The following CHD1L variants were observed in gnomAD, a reference collection of about 807,000 sequenced individuals.
CHD1L encodes chromodomain helicase DNA binding protein 1 like.
A neutral mutation model predicts 115.9 loss-of-function variants in CHD1L; 118 were observed. That is an observed-to-expected ratio of 1.02 (90% CI 0.88 to 1.19). The LOEUF (loss-of-function observed/expected upper bound fraction) is 1.19. Ranked by LOEUF, CHD1L falls within the 50% of genes most tolerant of loss-of-function variation. The probability of loss-of-function intolerance (pLI) is 0.00; values close to 1 mark genes in which losing one functional copy is unlikely to be tolerated. For missense variants in CHD1L, 1,179 were observed against 1,065.3 expected (o/e 1.11, Z -1.49); for synonymous variants, 411 against 387.1 (o/e 1.06, Z -0.72).
chr1:147,190,975 T>C, the CHD1L span, among the ~76,000 whole-genome samples: 1 of 152,052 alleles, frequency 6.6e-6, no homozygotes, highest in African/African-American at 2.4e-5. Flanking sequence ...AGAATGATGG[T>C]TTCCAGTTTA....
chr1:147,271,970 A>C (rs1291061984), intron 11 of CHD1L, among the ~76,000 whole-genome samples: 1 of 152,198 alleles, frequency 6.6e-6, no homozygotes, highest in Non-Finnish European at 1.5e-5. Context: ...AATCCAGAGG[A>C]GTATGTTATG....
At chr1:147,214,185 C>G in the CHD1L span, among the ~76,000 whole-genome samples, 2 of 152,172 alleles carry the variant, frequency 1.3e-5, no homozygotes, top group Non-Finnish European at 2.9e-5. Flanking sequence ...GGTGCGGTGG[C>G]TCACGCATGT....
intron 16 of CHD1L, 84 bp from the exon 17 acceptor site, chr1:147,285,240 G>T: frequency 4.9e-6 from 7 of 1,427,542 alleles, no homozygotes; most frequent in Non-Finnish European, 6.7e-6. Context: ...TAAGCATGTT[G>T]CTTCCGTACA....
the CHD1L span, among the ~76,000 whole-genome samples, chr1:147,185,594 T>G: frequency 7.2e-5 from 11 of 152,210 alleles, no homozygotes; most frequent in East Asian, 1.9e-4. Flanking sequence ...AGTTCTCACA[T>G]TTCCAGTTCT....
the CHD1L span, chr1:147,186,652 A>G: frequency 8.0e-7 from 1 of 1,248,642 alleles, no homozygotes; most frequent in Non-Finnish European, 1.0e-6. Flanking sequence ...TGACTAAAAG[A>G]GTACCTGAGC....
intron 14 of CHD1L, among the ~76,000 whole-genome samples, chr1:147,279,650 A>G (rs1680025428): frequency 6.6e-6 from 1 of 152,218 alleles, no homozygotes; most frequent in Admixed American, 6.5e-5. Context: ...GTTGGAAAGT[A>G]GCTAACAGGG....
At chr1:147,291,707 A>G (rs782068602) in intron 20 of CHD1L, among the ~76,000 whole-genome samples, 155 bp downstream of exon 20, 8 of 152,134 alleles carry the variant, frequency 5.3e-5, no homozygotes, top group African/African-American at 9.7e-5. Context: ...AACAACAGAA[A>G]TGTATTTCCT....
chr1:147,267,669 T>C (rs1330149310), intron 9 of CHD1L, 151 bp downstream of exon 9: 6 of 609,664 alleles, frequency 9.8e-6, no homozygotes, highest in Non-Finnish European at 1.7e-5. Context: ...CATATATTCA[T>C]GTTCAGATAT....
At position 147,294,516 on chromosome 1, in the gene CHD1L, A is replaced by G. The variant is rs781901195; in HGVS notation, c.2614A>G (p.Ile872Val). 1 of 1,608,922 alleles carries G rather than the reference A, an allele frequency of 6.2e-7. No homozygotes were observed. Among genetic ancestry groups the G allele is most frequent in the African/African-American group, 1.3e-5 (1 of 74,766 alleles). The change falls in exon 22 of 23, where the codon ATA becomes GTA. Residue 872 changes from isoleucine to valine, a missense_variant and splice_region_variant. By Grantham distance (29) the Ile-to-Val change is conservative. Transcript: ENST00000369258. ...HLAARGIPTY[I>V]YYFPRSKSAV... Reference sequence around the variant, plus strand: ...GGCTGCAAGAGGCATCCCAACTTACATGTATCCTTTTGTGATCTTCATTGT... The same window carrying G: ...GGCTGCAAGAGGCATCCCAACTTACGTGTATCCTTTTGTGATCTTCATTGT...
chr1:147,178,391 A>G, the CHD1L span: 3 of 1,611,128 alleles, frequency 1.9e-6, no homozygotes, highest in South Asian at 1.1e-5. Context: ...AACACCTGTA[A>G]TAAATATGGA....
chr1:147,235,673 T>G, the CHD1L span, among the ~76,000 whole-genome samples: 1 of 152,094 alleles, frequency 6.6e-6, no homozygotes, highest in African/African-American at 2.4e-5. Flanking sequence ...GTAAAAAAAA[T>G]GGCTTTGGAT....
intron 15 of CHD1L, among the ~76,000 whole-genome samples, chr1:147,281,464 G>A (rs587773492): frequency 6.6e-6 from 1 of 152,216 alleles, no homozygotes; most frequent in Admixed American, 6.5e-5. Context: ...GGGTGGTTTT[G>A]TTGTCCTTGT....
At chr1:147,208,536 C>T in the CHD1L span, 4 of 216,076 alleles carry the variant, frequency 1.9e-5, no homozygotes, top group Admixed American at 5.4e-5. Context: ...GCCTCCAGGG[C>T]TCAGGTGATT....
chr1:147,275,879 A>C (rs1220799913), intron 13 of CHD1L, among the ~76,000 whole-genome samples: 1 of 151,936 alleles, frequency 6.6e-6, no homozygotes, highest in Non-Finnish European at 1.5e-5. Flanking sequence ...AATCCCAGTC[A>C]TGGTTACCCC....
At chr1:147,214,458 A>AC in the CHD1L span, among the ~76,000 whole-genome samples, 35 of 1,920 alleles carry the variant, frequency 0.018, no homozygotes, top group East Asian at 0.45. Flanking sequence ...CTGAAAAAAA[A>AC]CAAAAAACAA....
chr1:147,241,703 C>A (rs907581899), upstream of CHD1L, among the ~76,000 whole-genome samples: 7 of 152,142 alleles, frequency 4.6e-5, no homozygotes, highest in Non-Finnish European at 1.0e-4. Context: ...TTTTCTAGCT[C>A]AGAACAAATT....
At chr1:147,276,845 A>G (rs924353271) in intron 14 of CHD1L, among the ~76,000 whole-genome samples, 2 of 152,176 alleles carry the variant, frequency 1.3e-5, no homozygotes, top group East Asian at 3.9e-4. Flanking sequence ...AAAACTCATA[A>G]TATTTCCTGG....
Position 147,268,880 on chromosome 1 carries a change from T to C in CHD1L, c.1085+2T>C, listed in dbSNP as rs782267265. 1 of 1,608,626 alleles carries C rather than the reference T, an allele frequency of 6.2e-7. No homozygotes were observed. Among genetic ancestry groups the C allele is most frequent in the Non-Finnish European group, 8.5e-7 (1 of 1,175,614 alleles). On this transcript the variant is annotated splice_donor_variant, in intron 10 of 22. Coordinates refer to ENST00000369258, the MANE Select transcript of CHD1L (RefSeq NM_004284.6). LOFTEE classifies it high-confidence loss of function. Reference sequence around the variant, plus strand: ...GCTACTAGCATTCCTGTATTCTGGGTAGGTGGTAGGTTCACATTTGCTGCT... The same window carrying C: ...GCTACTAGCATTCCTGTATTCTGGGCAGGTGGTAGGTTCACATTTGCTGCT...
At chr1:147,224,915 C>T in the CHD1L span, 1 of 1,613,920 alleles carries the variant, frequency 6.2e-7, no homozygotes, top group Admixed American at 1.7e-5. Context: ...CAGAGCCCTC[C>T]GATGTCATCA....
Sources: allele counts gnomAD v4.1 joint callset (sites outside exome capture counted in the v4.1 genomes callset), GRCh38; gene constraint gnomAD v4.1.1; transcripts MANE v1.5; gene names NCBI Gene and HGNC (gene_info 2026-07-23, HGNC 2026-07-21).